Variants in CFAP58 observed in about 807,000 individuals in gnomAD.
The protein encoded by CFAP58 is cilia- and flagella-associated protein 58.
In CFAP58, 88 loss-of-function variants were observed where a neutral mutation model predicts 119.5. The observed-to-expected ratio is 0.74, with a 90% CI of 0.62 to 0.88. The LOEUF is 0.88. Ranked by LOEUF, CFAP58 falls within the 40% of genes least tolerant of loss-of-function variation. The probability of loss-of-function intolerance (pLI) is 0.00; values close to 1 mark genes in which losing one functional copy is unlikely to be tolerated. For missense variants in CFAP58, 990 were observed against 1,021.2 expected (o/e 0.97, Z 0.42); for synonymous variants, 365 against 366.3 (o/e 1.00, Z 0.04).
upstream of CFAP58, among the ~76,000 whole-genome samples, chr10:104,350,065 T>C (rs1025369612): frequency 3.9e-5 from 6 of 152,202 alleles, no homozygotes; most frequent in African/African-American, 1.2e-4. Flanking sequence ...CTATATCCTG[T>C]CTCGGACTGT....
intron 15 of CFAP58, among the ~76,000 whole-genome samples, chr10:104,420,779 G>A (rs915361794): frequency 3.9e-5 from 5 of 128,196 alleles, no homozygotes; most frequent in Admixed American, 2.6e-4. Context: ...TTGAGACAGC[G>A]TCTCACTCTG....
intron 15 of CFAP58, among the ~76,000 whole-genome samples, chr10:104,441,282 C>T (rs762180947): frequency 2.6e-5 from 4 of 152,194 alleles, no homozygotes; most frequent in Non-Finnish European, 4.4e-5. Flanking sequence ...GGATTACAGG[C>T]GTGAGCCACC....
chr10:104,441,990 C>G (rs539231694), intron 15 of CFAP58, among the ~76,000 whole-genome samples: 2 of 152,240 alleles, frequency 1.3e-5, no homozygotes, highest in African/African-American at 4.8e-5. Context: ...TACAGAGTTT[C>G]TAATTTATTT....
intron 15 of CFAP58, among the ~76,000 whole-genome samples, chr10:104,440,723 C>T (rs1226315343): frequency 6.6e-6 from 1 of 152,138 alleles, no homozygotes; most frequent in Non-Finnish European, 1.5e-5. Flanking sequence ...AATGGATTAA[C>T]TTCAAGTGGC....
chr10:104,359,519 AGGGCCGGTTGT>A, intron 2 of CFAP58, among the ~76,000 whole-genome samples: 1 of 152,340 alleles, frequency 6.6e-6, no homozygotes, highest in African/African-American at 2.4e-5. Context: ...AAACTGATAA[AGGGCCGGTTGT>A]GGTGGCTTAT....
chr10:104,345,716 G>A, the CFAP58 span, among the ~76,000 whole-genome samples: 1 of 152,052 alleles, frequency 6.6e-6, no homozygotes, highest in East Asian at 1.9e-4. Context: ...AACTGGGTAA[G>A]ATTTTTTGGA....
At chr10:104,371,187 A>G (rs151142743) in intron 7 of CFAP58, 133 bp downstream of exon 7, 50 of 833,038 alleles carry the variant, frequency 6.0e-5, no homozygotes, top group Admixed American at 9.4e-5. Flanking sequence ...TCACACTGGT[A>G]AACAGTCAAT....
In CFAP58 at chr10:104,450,075, T is replaced by G. The variant is rs552763096; in HGVS notation, c.2381T>G (p.Leu794Trp). Residue 794 changes from leucine (L) to tryptophan (W), a missense_variant, in exon 17 of 18, where the codon TTG (leucine) becomes TGG (tryptophan). By Grantham distance (61) the Leu-to-Trp change is moderately conservative. Transcript: ENST00000369704. ...CTGCTTTATTTGCCATGTTAGGTTT[T>G]GTCTTCAGAATTGAATATGTATGAA... ...LHDKKQQLKV[L>W]SSELNMYEVQ... The G allele has an allele frequency of 1.4e-5, 23 of 1,592,062 alleles. No homozygotes were observed. In the African/African-American group the frequency reaches 2.9e-4, roughly 20 times the overall value.
the CFAP58 span, among the ~76,000 whole-genome samples, chr10:104,342,661 CTA>C: frequency 9.3e-6 from 1 of 107,166 alleles, no homozygotes. Context: ...GAAGCCCCGT[CTA>C]TACAAAAAAA....
chr10:104,355,573 C>G (rs902588872), intron 1 of CFAP58, among the ~76,000 whole-genome samples: 9 of 152,302 alleles, frequency 5.9e-5, no homozygotes, highest in Admixed American at 5.2e-4. Context: ...TTTCCTTTTC[C>G]CTTTTCCTTC....
intron 15 of CFAP58, among the ~76,000 whole-genome samples, chr10:104,418,480 G>A (rs1474969886): frequency 2.0e-5 from 3 of 152,314 alleles, no homozygotes; most frequent in Admixed American, 1.3e-4. Flanking sequence ...CCCAGGAGGC[G>A]GAGCTTGCAG....
In CFAP58 at chr10:104,366,011, G is replaced by A. The variant is rs779708337; in HGVS notation, c.792+3G>A. On this transcript the variant is annotated splice_donor_region_variant and intron_variant, in intron 5 of 17. Coordinates refer to ENST00000369704, the MANE Select transcript of CFAP58 (RefSeq NM_001008723.2). ...AGCAGCAGCTGAAGGAGCAGAAGGT[G>A]AGTTGGGTGTGGGTCTTCGCAAAAA... 2 of 1,592,672 alleles carry A rather than the reference G, an allele frequency of 1.3e-6. No homozygotes were observed. The highest frequency in any genetic ancestry group is 1.7e-6 in the Non-Finnish European group (2 of 1,171,298).
chr10:104,443,769 AT>A (rs2013074305), intron 15 of CFAP58, among the ~76,000 whole-genome samples: 1 of 152,110 alleles, frequency 6.6e-6, no homozygotes, highest in Admixed American at 6.5e-5. Flanking sequence ...ACTGACTCTT[AT>A]TTGCATAGGC....
the CFAP58 span, among the ~76,000 whole-genome samples, chr10:104,339,119 G>T: frequency 6.6e-6 from 1 of 152,162 alleles, no homozygotes; most frequent in Non-Finnish European, 1.5e-5. Flanking sequence ...TGTTGGTCAG[G>T]CTGGTCTCGA....
chr10:104,422,342 T>G (rs2012673310), intron 15 of CFAP58, among the ~76,000 whole-genome samples: 1 of 152,214 alleles, frequency 6.6e-6, no homozygotes, highest in Non-Finnish European at 1.5e-5. Context: ...TCACTTTCCT[T>G]CCATGGTGTC....
chr10:104,406,336 A>G (rs1237544581), intron 14 of CFAP58, among the ~76,000 whole-genome samples: 3 of 152,176 alleles, frequency 2.0e-5, no homozygotes, highest in Non-Finnish European at 2.9e-5. Context: ...CTAAAGTATA[A>G]TGTTGTATAA....
At chr10:104,370,870 AT>A in intron 6 of CFAP58, 24 bp from the exon 7 acceptor site, 2 of 1,598,504 alleles carry the variant, frequency 1.3e-6, no homozygotes, top group South Asian at 2.3e-5. Flanking sequence ...AAAGTGACTC[AT>A]TAATTCTTTC....
intron 8 of CFAP58, among the ~76,000 whole-genome samples, 197 bp from the exon 9 acceptor site, chr10:104,379,832 G>A (rs1262324048): frequency 6.6e-6 from 1 of 152,180 alleles, no homozygotes; most frequent in Non-Finnish European, 1.5e-5. Flanking sequence ...GTTGCTTAGT[G>A]TATTTATATG....
intron 15 of CFAP58, among the ~76,000 whole-genome samples, chr10:104,423,066 A>G (rs1007793790): frequency 3.3e-5 from 5 of 152,026 alleles, no homozygotes; most frequent in Non-Finnish European, 5.9e-5. Context: ...TCTTGTCGCT[A>G]CCCTTGGATT....
Sources: gnomAD v4.1 joint callset for allele counts (sites outside exome capture counted in the v4.1 genomes callset) on GRCh38, gnomAD v4.1.1 for gene constraint, MANE v1.5 for transcripts, NCBI Gene and HGNC (gene_info 2026-07-23, HGNC 2026-07-21) for gene names.